The following TSHZ2 variants were observed in gnomAD, a reference collection of about 807,000 sequenced individuals.
TSHZ2 encodes teashirt zinc finger homeobox 2, also known as teashirt homolog 2.
Under a neutral mutation model 74.4 loss-of-function variants are expected in TSHZ2, and 21 were observed. The ratio of observed to expected loss-of-function variants is 0.28; its 90% CI spans 0.20 to 0.41. TSHZ2 has a LOEUF of 0.41. Ranked by LOEUF, TSHZ2 falls within the 10% of genes least tolerant of loss-of-function variation. TSHZ2 has a pLI of 1.00. For missense variants in TSHZ2, 1,244 were observed against 1,293.5 expected (o/e 0.96, Z 0.59); for synonymous variants, 540 against 515.3 (o/e 1.05, Z -0.65).
chr20:53,451,406 G>A (rs368894692), intron 2 of TSHZ2, among the ~76,000 whole-genome samples: 1 of 152,192 alleles, frequency 6.6e-6, no homozygotes, highest in Non-Finnish European at 1.5e-5. Flanking sequence ...CAATGTCTGT[G>A]CTAACCTCAA....
chr20:53,201,039 A>T (rs1988992822), intron 1 of TSHZ2, among the ~76,000 whole-genome samples: 2 of 151,990 alleles, frequency 1.3e-5, no homozygotes, highest in Non-Finnish European at 2.9e-5. Context: ...AGAAAAAAAG[A>T]AATTGAGTCA....
intron 2 of TSHZ2, among the ~76,000 whole-genome samples, chr20:53,406,731 G>C (rs777531553): frequency 1.7e-4 from 26 of 152,202 alleles, no homozygotes; most frequent in Non-Finnish European, 3.8e-4. Context: ...AATGACAGAA[G>C]AGCAAGTCAG....
intron 1 of TSHZ2, among the ~76,000 whole-genome samples, chr20:53,078,758 A>G (rs1985443024): frequency 1.3e-5 from 2 of 152,144 alleles, no homozygotes; most frequent in Non-Finnish European, 2.9e-5. Context: ...TGGTGGTAAA[A>G]ATCAATAGAG....
chr20:53,195,093 CT>C (rs1443406457), intron 1 of TSHZ2, among the ~76,000 whole-genome samples: 3 of 152,104 alleles, frequency 2.0e-5, no homozygotes, highest in Non-Finnish European at 4.4e-5. Flanking sequence ...AGGAGCAGGA[CT>C]TTTGCAGGGC....
chr20:53,157,269 A>G (rs575914111), intron 1 of TSHZ2, among the ~76,000 whole-genome samples: 71 of 120,052 alleles, frequency 5.9e-4, no homozygotes, highest in Admixed American at 9.2e-4. Flanking sequence ...ATTGTGTTTA[A>G]GGATTCTACC....
At chr20:53,096,230 C>T (rs1986041382) in intron 1 of TSHZ2, among the ~76,000 whole-genome samples, 1 of 152,190 alleles carries the variant, frequency 6.6e-6, no homozygotes. Context: ...CAACCTCTGC[C>T]TCTTGGATTC....
At chr20:53,022,989 G>C (rs1008013608) in intron 1 of TSHZ2, among the ~76,000 whole-genome samples, 1 of 152,094 alleles carries the variant, frequency 6.6e-6, no homozygotes, top group African/African-American at 2.4e-5. Flanking sequence ...GACTCTGCTG[G>C]AAAATGCACC....
intron 1 of TSHZ2, among the ~76,000 whole-genome samples, chr20:53,129,588 T>C (rs906137664): frequency 1.3e-5 from 2 of 152,226 alleles, no homozygotes; most frequent in African/African-American, 4.8e-5. Flanking sequence ...ATTGTTATGA[T>C]ACAATTTATC....
intron 1 of TSHZ2, among the ~76,000 whole-genome samples, chr20:53,075,692 T>A (rs555294452): frequency 1.3e-5 from 2 of 151,388 alleles, no homozygotes; most frequent in Admixed American, 1.3e-4. Context: ...GAGGAAGGAG[T>A]AGGGTGATCA....
intron 2 of TSHZ2, among the ~76,000 whole-genome samples, chr20:53,475,195 C>G (rs1985956229): frequency 7.2e-6 from 1 of 138,904 alleles, no homozygotes; most frequent in Non-Finnish European, 1.5e-5. Context: ...CCCAAATCAA[C>G]AGAATATACA....
chr20:52,983,828 A>G (rs1057232725), intron 1 of TSHZ2, among the ~76,000 whole-genome samples: 2 of 151,992 alleles, frequency 1.3e-5, no homozygotes, highest in Non-Finnish European at 2.9e-5. Context: ...CTCATTTCTG[A>G]CCCTGAGGTT....
chr20:53,061,431 A>G (rs2904295), intron 1 of TSHZ2, among the ~76,000 whole-genome samples: 1 of 151,878 alleles, frequency 6.6e-6, no homozygotes, highest in Non-Finnish European at 1.5e-5. Context: ...ACAGAGGATC[A>G]TAAGAGATGA....
chr20:53,391,769 C>A (rs1183986378), intron 2 of TSHZ2, among the ~76,000 whole-genome samples: 1 of 152,204 alleles, frequency 6.6e-6, no homozygotes, highest in Admixed American at 6.5e-5. Flanking sequence ...ATGGCGAAAC[C>A]CTGTCTCTAC....
At chr20:53,235,837 G>C (rs1267452661) in intron 1 of TSHZ2, among the ~76,000 whole-genome samples, 1 of 152,084 alleles carries the variant, frequency 6.6e-6, no homozygotes, top group African/African-American at 2.4e-5. Context: ...GAACATGAAA[G>C]GTCTTTAAGA....
intron 1 of TSHZ2, among the ~76,000 whole-genome samples, chr20:53,118,450 G>A (rs1986726664): frequency 6.6e-6 from 1 of 152,134 alleles, no homozygotes; most frequent in South Asian, 2.1e-4. Flanking sequence ...GAGAGAGTGA[G>A]GAAAGCAGGA....
intron 1 of TSHZ2, among the ~76,000 whole-genome samples, chr20:53,015,355 AT>A (rs1365043352): frequency 6.6e-6 from 1 of 152,146 alleles, no homozygotes; most frequent in African/African-American, 2.4e-5. Flanking sequence ...CCCAGAGGAC[AT>A]TTTTTTGTTA....
At chr20:53,221,816 TATG>T (rs1466144870) in intron 1 of TSHZ2, among the ~76,000 whole-genome samples, 1 of 152,220 alleles carries the variant, frequency 6.6e-6, no homozygotes, top group African/African-American at 2.4e-5. Flanking sequence ...CAGTTTGCAT[TATG>T]ATGAAGCTAA....
intron 1 of TSHZ2, among the ~76,000 whole-genome samples, chr20:53,141,199 G>A (rs1987393271): frequency 6.6e-6 from 1 of 152,200 alleles, no homozygotes; most frequent in South Asian, 2.1e-4. Flanking sequence ...TATAGCTCCT[G>A]AGCAGACAGC....
chr20:53,089,766 AG>A (rs568552758), intron 1 of TSHZ2, among the ~76,000 whole-genome samples: 23 of 152,262 alleles, frequency 1.5e-4, no homozygotes, highest in Non-Finnish European at 2.8e-4. Context: ...ATGAAGAACA[AG>A]AAAAGAACCT....
Sources: gnomAD v4.1 joint callset for allele counts (sites outside exome capture counted in the v4.1 genomes callset) on GRCh38, gnomAD v4.1.1 for gene constraint, MANE v1.5 for transcripts, NCBI Gene and HGNC (gene_info 2026-07-23, HGNC 2026-07-21) for gene names.